Variants in XKR9 observed in about 807,000 individuals in gnomAD.
XKR9 encodes the protein XK-related protein 9.
In XKR9, 32 loss-of-function variants were observed where a neutral mutation model predicts 32.0. The ratio of observed to expected loss-of-function variants is 1.00; its 90% CI spans 0.76 to 1.34. XKR9 has a LOEUF of 1.34. Ranked by LOEUF, XKR9 falls within the 40% of genes most tolerant of loss-of-function variation. The probability of loss-of-function intolerance (pLI) is 0.00; values close to 1 mark genes in which losing one functional copy is unlikely to be tolerated. For synonymous variants in XKR9, 168 were observed against 143.4 expected, an observed-to-expected ratio of 1.17 and a Z score of -1.22; for missense variants, 546 against 429.7, an observed-to-expected ratio of 1.27 and a Z score of -2.39.
At chr8:70,857,884 A>G in the XKR9 span, among the ~76,000 whole-genome samples, 1 of 152,208 alleles carries the variant, frequency 6.6e-6, no homozygotes, top group East Asian at 1.9e-4. Flanking sequence ...ATCTCAATAG[A>G]TGCAGAAAAG....
the XKR9 span, among the ~76,000 whole-genome samples, chr8:70,873,866 T>G: frequency 6.6e-6 from 1 of 152,204 alleles, no homozygotes; most frequent in Non-Finnish European, 1.5e-5. Flanking sequence ...CAGAGAAATC[T>G]TTCATGAAAG....
intron 3 of XKR9, among the ~76,000 whole-genome samples, chr8:70,703,146 T>G (rs1296830787): frequency 6.9e-6 from 1 of 145,028 alleles, no homozygotes; most frequent in African/African-American, 2.5e-5. Flanking sequence ...ACAAATGTTT[T>G]GGGTTAATAT....
At chr8:70,860,395 A>G in the XKR9 span, among the ~76,000 whole-genome samples, 4 of 152,106 alleles carry the variant, frequency 2.6e-5, no homozygotes, top group African/African-American at 9.7e-5. Context: ...AACCTGACCA[A>G]CTATGATGGC....
At chr8:70,991,500 T>A in the XKR9 span, among the ~76,000 whole-genome samples, 1 of 152,222 alleles carries the variant, frequency 6.6e-6, no homozygotes, top group South Asian at 2.1e-4. Context: ...AAAAAACTCA[T>A]TCATGGAGAT....
chr8:70,903,754 C>T, the XKR9 span, among the ~76,000 whole-genome samples: 1,476 of 152,124 alleles, frequency 9.7e-3, 23 homozygotes, highest in African/African-American at 0.034. Flanking sequence ...TAGATCTTTC[C>T]TGCTTTATCT....
chr8:70,795,760 T>C, the XKR9 span, among the ~76,000 whole-genome samples: 1 of 152,074 alleles, frequency 6.6e-6, no homozygotes, highest in Non-Finnish European at 1.5e-5. Context: ...TTTCATACGG[T>C]TTTTGGCTGC....
chr8:70,924,085 T>A, the XKR9 span, among the ~76,000 whole-genome samples: 1 of 152,338 alleles, frequency 6.6e-6, no homozygotes, highest in Middle Eastern at 3.4e-3. Context: ...CGGGGATCAA[T>A]GGTTTAACAA....
intron 4 of XKR9, among the ~76,000 whole-genome samples, chr8:70,731,160 A>G (rs1806650163): frequency 6.6e-6 from 1 of 152,216 alleles, no homozygotes; most frequent in South Asian, 2.1e-4. Context: ...AGCACAAAGC[A>G]CACCAGATTT....
downstream of XKR9, among the ~76,000 whole-genome samples, chr8:70,793,804 C>T (rs1320540775): frequency 2.6e-5 from 4 of 151,264 alleles, no homozygotes; most frequent in East Asian, 7.8e-4. Context: ...TAACTTTGTC[C>T]CTTTTTTTTT....
chr8:70,860,110 A>G, the XKR9 span, among the ~76,000 whole-genome samples: 1 of 152,186 alleles, frequency 6.6e-6, no homozygotes, highest in Non-Finnish European at 1.5e-5. Context: ...ATAAAAATGC[A>G]CAAATATTAT....
At chr8:70,703,344 A>G (rs1805605316) in intron 3 of XKR9, among the ~76,000 whole-genome samples, 1 of 151,932 alleles carries the variant, frequency 6.6e-6, no homozygotes, top group Non-Finnish European at 1.5e-5. Context: ...TAGTCTAGTG[A>G]GGTGGCTATA....
chr8:70,701,106 A>T (rs778742938), intron 3 of XKR9, among the ~76,000 whole-genome samples: 117 of 152,290 alleles, frequency 7.7e-4, no homozygotes, highest in Non-Finnish European at 1.3e-3. Flanking sequence ...TTCTTTGACT[A>T]GGAAAGGGAA....
the XKR9 span, among the ~76,000 whole-genome samples, chr8:70,859,783 C>G: frequency 1.3e-5 from 2 of 152,022 alleles, no homozygotes; most frequent in African/African-American, 4.8e-5. Flanking sequence ...GGGAGCTAAA[C>G]ATGATGTCAT....
the XKR9 span, among the ~76,000 whole-genome samples, chr8:70,861,841 A>AT: frequency 1.3e-5 from 2 of 152,026 alleles, no homozygotes; most frequent in East Asian, 1.9e-4. Flanking sequence ...CCAAATTGTT[A>AT]TTTTTTGTGG....
At chr8:70,918,816 C>T in the XKR9 span, among the ~76,000 whole-genome samples, 10 of 103,052 alleles carry the variant, frequency 9.7e-5, no homozygotes, top group African/African-American at 3.8e-4. Flanking sequence ...CTTGCTCTGT[C>T]GCCCAGGCTG....
At chr8:71,032,937 A>C in the XKR9 span, among the ~76,000 whole-genome samples, 1 of 152,072 alleles carries the variant, frequency 6.6e-6, no homozygotes, top group Non-Finnish European at 1.5e-5. Context: ...ATACAAAATT[A>C]GCTGGGTGTG....
At chr8:70,713,689 C>T (rs1045686336) in intron 4 of XKR9, among the ~76,000 whole-genome samples, 1 of 151,968 alleles carries the variant, frequency 6.6e-6, no homozygotes, top group Non-Finnish European at 1.5e-5. Flanking sequence ...AATGAAAATA[C>T]AGGACAATGA....
At chr8:71,032,749 C>T in the XKR9 span, among the ~76,000 whole-genome samples, 1 of 152,148 alleles carries the variant, frequency 6.6e-6, no homozygotes, top group African/African-American at 2.4e-5. Flanking sequence ...TATGAGACTA[C>T]AAGAACAACC....
the XKR9 span, among the ~76,000 whole-genome samples, chr8:70,963,413 T>C: frequency 2.6e-5 from 4 of 152,216 alleles, no homozygotes; most frequent in Admixed American, 1.3e-4. Context: ...TTGTGAGTAG[T>C]ACTGCAATGA....
Sources: allele counts gnomAD v4.1 joint callset (sites outside exome capture counted in the v4.1 genomes callset), GRCh38; gene constraint gnomAD v4.1.1; transcripts MANE v1.5; gene names NCBI Gene and HGNC (gene_info 2026-07-23, HGNC 2026-07-21).